Variants in POLE2 observed in about 807,000 individuals in gnomAD.
The protein encoded by POLE2 is DNA polymerase epsilon 2, accessory subunit.
Under a neutral mutation model 79.4 loss-of-function variants are expected in POLE2, and 56 were observed. The ratio of observed to expected loss-of-function variants is 0.71; its 90% CI spans 0.57 to 0.88. The LOEUF is 0.88. Ranked by LOEUF, POLE2 falls within the 40% of genes least tolerant of loss-of-function variation. POLE2 has a pLI of 0.00. For missense variants in POLE2, 598 were observed against 638.9 expected, an observed-to-expected ratio of 0.94 and a Z score of 0.69; for synonymous variants, 212 against 214.0, an observed-to-expected ratio of 0.99 and a Z score of 0.08.
chr14:49,680,617 C>T (rs1886632686), intron 2 of POLE2, among the ~76,000 whole-genome samples: 1 of 152,082 alleles, frequency 6.6e-6, no homozygotes, highest in East Asian at 1.9e-4. Context: ...GAAAATTTTG[C>T]CCAAAAACTA....
intron 2 of POLE2, chr14:49,681,243 A>ATTG (rs1346519094): frequency 4.9e-5 from 10 of 205,430 alleles, no homozygotes; most frequent in Non-Finnish European, 9.4e-5. Flanking sequence ...AGTATTTAAC[A>ATTG]AAAAGGTCCC....
intron 3 of POLE2, among the ~76,000 whole-genome samples, chr14:49,676,426 G>A (rs1196211238): frequency 6.6e-6 from 1 of 152,156 alleles, no homozygotes; most frequent in Non-Finnish European, 1.5e-5. Flanking sequence ...CTATTTTCTG[G>A]TAGATCAGTC....
chr14:49,644,812 C>T (rs538198783), intron 18 of POLE2, among the ~76,000 whole-genome samples: 5 of 151,858 alleles, frequency 3.3e-5, no homozygotes, highest in South Asian at 4.2e-4. Flanking sequence ...AGGCCAAGAC[C>T]GGTGGATCAC....
At chr14:49,681,768 AC>A (rs1433800580) in intron 2 of POLE2, 1 of 145,570 alleles carries the variant, frequency 6.9e-6, no homozygotes, top group Non-Finnish European at 1.5e-5. Flanking sequence ...ATTGCAGTGA[AC>A]CGAGATGGCG....
At chr14:49,674,474 G>T (rs773123853) in intron 3 of POLE2, 47 bp from the exon 4 acceptor site, 3 of 1,098,528 alleles carry the variant, frequency 2.7e-6, no homozygotes, top group Non-Finnish European at 1.4e-6. Context: ...TAAAACATAA[G>T]TACTCTAGGT....
chr14:49,672,402 T>C (rs372615548), intron 5 of POLE2, among the ~76,000 whole-genome samples: 8,040 of 148,486 alleles, frequency 0.054, 681 homozygotes, highest in African/African-American at 0.18. Flanking sequence ...CAACCTTTAT[T>C]TAACCTACCG....
intron 1 of POLE2, among the ~76,000 whole-genome samples, chr14:49,686,303 C>T (rs1408147916): frequency 6.6e-6 from 1 of 152,104 alleles, no homozygotes; most frequent in Non-Finnish European, 1.5e-5. Flanking sequence ...ATGTCACCTC[C>T]TTGATTAGGT....
chr14:49,649,314 T>C (rs550728144), intron 17 of POLE2, among the ~76,000 whole-genome samples: 1 of 151,106 alleles, frequency 6.6e-6, no homozygotes, highest in South Asian at 2.1e-4. Flanking sequence ...GCCCAGCTAA[T>C]TTTTTGTGTT....
At position 49,654,220 on chromosome 14, in the gene POLE2, G is replaced by T; in HGVS notation, c.1074-6C>A. 1.3e-6 allele frequency: 2 copies of T among 1,595,756 alleles called. No homozygotes were observed. On this transcript the variant is annotated splice_polypyrimidine_tract_variant and splice_region_variant and intron_variant, in intron 13 of 18. Coordinates refer to ENST00000216367, the MANE Select transcript of POLE2 (RefSeq NM_002692.4). ...GTACAAACACAAAACGACTACTGTAGCAAAATTCAACACAATTCATTTAAA... is the reference window on the plus strand; with the variant it reads ...GTACAAACACAAAACGACTACTGTATCAAAATTCAACACAATTCATTTAAA...
chr14:49,688,196 G>C lies in POLE2; in HGVS notation c.8C>G (p.Pro3Arg), dbSNP rs1165461642. 1 of 1,530,650 alleles carries C rather than the reference G, an allele frequency of 6.5e-7. No homozygotes were observed. The highest frequency in any genetic ancestry group is 1.4e-5 in the African/African-American group (1 of 70,384). 94.8% of individuals were successfully genotyped at this position (1,530,650 alleles called of 1,614,324 possible). A position where few individuals can be genotyped will look rare whatever the true frequency, so the allele number is the denominator to read the frequency against. Residue 3 changes from proline (P) to arginine (R), a missense_variant, in exon 1 of 19, where the codon CCG becomes CGG. By Grantham distance (103) the Pro-to-Arg change is moderately radical. Transcript: ENST00000216367. ...GAGCGCCCGGCTCCGCAGCCGCTCCGGCGCCATATTTGCGATTTGGCGCCA... is the reference window on the plus strand; with the variant it reads ...GAGCGCCCGGCTCCGCAGCCGCTCCCGCGCCATATTTGCGATTTGGCGCCA... MAPERLRSRALSA... is the reference protein window; with the variant it reads MARERLRSRALSA...
chr14:49,685,669 A>T (rs1887075308), intron 1 of POLE2, among the ~76,000 whole-genome samples: 1 of 152,048 alleles, frequency 6.6e-6, no homozygotes, highest in African/African-American at 2.4e-5. Flanking sequence ...CCCAGGCTGA[A>T]GTGCAGTGGC....
intron 10 of POLE2, among the ~76,000 whole-genome samples, chr14:49,660,153 T>C (rs1464996921): frequency 6.6e-6 from 1 of 152,338 alleles, no homozygotes; most frequent in Non-Finnish European, 1.5e-5. Flanking sequence ...CAAATACTTA[T>C]CATTGTGTTA....
chr14:49,654,402 A>C, intron 13 of POLE2, 188 bp from the exon 14 acceptor site: 1 of 559,630 alleles, frequency 1.8e-6, no homozygotes, highest in Non-Finnish European at 3.1e-6. Context: ...GAAAAGTTCT[A>C]TATCTGCACT....
chr14:49,655,236 C>T (rs1425799864), intron 11 of POLE2, 142 bp from the exon 12 acceptor site: 1 of 316,072 alleles, frequency 3.2e-6, no homozygotes, highest in Non-Finnish European at 5.7e-6. Flanking sequence ...ATACTAATAA[C>T]AGTAGCCATT....
At chr14:49,655,166 A>G (rs957834195) in intron 11 of POLE2, 72 bp from the exon 12 acceptor site, 1 of 513,020 alleles carries the variant, frequency 1.9e-6, no homozygotes, top group Non-Finnish European at 3.2e-6. Flanking sequence ...TTTAACCATG[A>G]CTTTCTAATA....
At chr14:49,645,437 A>G (rs1405166568) in intron 18 of POLE2, among the ~76,000 whole-genome samples, 2 of 152,240 alleles carry the variant, frequency 1.3e-5, no homozygotes, top group South Asian at 2.1e-4. Context: ...ATTTCAATAT[A>G]TCTTGAAACT....
At position 49,679,798 on chromosome 14, in the gene POLE2, A is replaced by T. The variant is rs1454870760; in HGVS notation, c.172T>A (p.Ser58Thr). The change falls in exon 3 of 19, where the codon TCA becomes ACA. Residue 58 changes from serine (S) to threonine (T), a missense_variant and splice_region_variant. Transcript: ENST00000216367. The part of the protein sequence containing the change: ...IINAVEKQPL[S>T]SNMIERSVVE... The stretch of plus-strand genomic sequence containing the variant: ...ACAGATCGTTCAATCATGTTTGATG[A>T]CACTGAAAAGAGAATTTCAAAGTCA... 1 of 1,575,598 alleles carries T rather than the reference A, an allele frequency of 6.3e-7. No homozygotes were observed. The highest frequency in any genetic ancestry group is 1.4e-5 in the African/African-American group (1 of 73,968).
At position 49,655,032 on chromosome 14, in the gene POLE2, C is replaced by A; in HGVS notation, c.991G>T (p.Gly331Ter). 1 of 1,577,434 alleles carries A rather than the reference C, an allele frequency of 6.3e-7. No individual in the cohort carries two copies. The highest frequency in any genetic ancestry group is 1.2e-5 in the South Asian group (1 of 84,638). The change falls in exon 12 of 19, where the codon GGA (glycine) becomes TGA (stop). Residue 331 changes from glycine (G) to a stop codon, truncating the protein, a stop_gained. Coordinates refer to ENST00000216367, the MANE Select transcript of POLE2 (RefSeq NM_002692.4). LOFTEE classifies it high-confidence loss of function. ...TTCAAAGCTTGAACTTGATTTTTTC[C>A]ATATGGTGCAGATGAAAAATTACCA... ...LCGNFSSAPY[G>*]KNQVQALKDS...
chr14:49,682,640 G>GGAAAAAAAAAAAAAAAAAAA (rs1373991966), intron 2 of POLE2, among the ~76,000 whole-genome samples: 1 of 60,976 alleles, frequency 1.6e-5, no homozygotes, highest in African/African-American at 5.7e-5. Flanking sequence ...CCTTCTCAGG[G>GGAAAAAAAAAAAAAAAAAAA]AAAAAAAAAA....
Sources: gnomAD v4.1 joint callset for allele counts (sites outside exome capture counted in the v4.1 genomes callset) on GRCh38, gnomAD v4.1.1 for gene constraint, MANE v1.5 for transcripts, NCBI Gene and HGNC (gene_info 2026-07-23, HGNC 2026-07-21) for gene names.